Variants in CHD9 observed in about 807,000 individuals in gnomAD.
The protein encoded by CHD9 is chromodomain helicase DNA binding protein 9.
A neutral mutation model predicts 316.1 loss-of-function variants in CHD9; 77 were observed. The ratio of observed to expected loss-of-function variants is 0.24; its 90% CI spans 0.20 to 0.29. The LOEUF is 0.29. Among genes scored for constraint, CHD9 ranks in the 10% least tolerant of loss-of-function variants. The probability of loss-of-function intolerance (pLI) is 1.00; values close to 1 mark genes in which losing one functional copy is unlikely to be tolerated. For synonymous variants in CHD9, 1,129 were observed against 1,158.3 expected, an observed-to-expected ratio of 0.97 and a Z score of 0.51; for missense variants, 2,763 against 3,438.1, an observed-to-expected ratio of 0.80 and a Z score of 4.91.
chr16:53,062,663 G>A (rs2033040196), intron 1 of CHD9, among the ~76,000 whole-genome samples: 1 of 152,184 alleles, frequency 6.6e-6, no homozygotes, highest in Non-Finnish European at 1.5e-5. Flanking sequence ...GATGGTTTAA[G>A]CCCAGGAGTT....
intron 1 of CHD9, among the ~76,000 whole-genome samples, chr16:53,129,187 C>G (rs1253354462): frequency 1.3e-5 from 2 of 152,188 alleles, no homozygotes; most frequent in Non-Finnish European, 2.9e-5. Context: ...CAAGAAAACA[C>G]GAACGTTCTC....
intron 1 of CHD9, among the ~76,000 whole-genome samples, chr16:53,146,745 A>G (rs2040657785): frequency 6.6e-6 from 1 of 151,280 alleles, no homozygotes; most frequent in African/African-American, 2.4e-5. Context: ...GTTACAGTGA[A>G]CCGAGATCGT....
chr16:53,148,365 C>T (rs1291052769), intron 1 of CHD9, among the ~76,000 whole-genome samples: 2 of 152,198 alleles, frequency 1.3e-5, no homozygotes, highest in Non-Finnish European at 2.9e-5. Context: ...CCTCAGCTTC[C>T]TGAGTAGCTG....
At position 53,245,256 on chromosome 16, in the gene CHD9, G is replaced by A; in HGVS notation, c.3055-80G>A. ...ATAGTCAGAAAAATATTTGCATATT[G>A]ATCATTCGATAATCTAAGTCAGCTT... On this transcript the variant is annotated intron_variant, in intron 13 of 38. Coordinates refer to ENST00000447540, the MANE Select transcript of CHD9 (RefSeq NM_001308319.2). The surrounding 1 kb of genome is among the most constrained non-coding windows in gnomAD (Gnocchi z 4.1). The A allele has an allele frequency of 9.5e-7, 1 of 1,052,808 alleles. No individual in the cohort carries two copies. Among genetic ancestry groups the A allele is most frequent in the Non-Finnish European group, 1.3e-6 (1 of 760,994 alleles). The allele number at this position is 1,052,808 out of a possible 1,614,324, so 65.2% of individuals were successfully genotyped here. A position where few individuals can be genotyped will look rare whatever the true frequency, so the allele number is the denominator to read the frequency against.
chr16:53,213,710 G>T (rs1282887878), intron 3 of CHD9, among the ~76,000 whole-genome samples: 2 of 152,120 alleles, frequency 1.3e-5, no homozygotes, highest in Non-Finnish European at 2.9e-5. Context: ...CACATGATTC[G>T]ATAGAAGTAT....
intron 1 of CHD9, among the ~76,000 whole-genome samples, chr16:53,133,058 C>T (rs575544468): frequency 1.3e-5 from 2 of 152,108 alleles, no homozygotes; most frequent in South Asian, 4.2e-4. Context: ...TGGAGAGTTT[C>T]CTATAAACTA....
At position 53,245,259 on chromosome 16, in the gene CHD9, C is replaced by A; in HGVS notation, c.3055-77C>A. The stretch of plus-strand genomic sequence containing the variant: ...GTCAGAAAAATATTTGCATATTGAT[C>A]ATTCGATAATCTAAGTCAGCTTTCA... On this transcript the variant is annotated intron_variant, in intron 13 of 38. Transcript: ENST00000447540. The surrounding 1 kb of genome is among the most constrained non-coding windows in gnomAD (Gnocchi z 4.1). 1 of 1,087,862 alleles carries A rather than the reference C, an allele frequency of 9.2e-7. No individual in the cohort carries two copies. The allele number at this position is 1,087,862 out of a possible 1,614,324, so 67.4% of individuals were successfully genotyped here. A position where few individuals can be genotyped will look rare whatever the true frequency, so the allele number is the denominator to read the frequency against.
intron 2 of CHD9, among the ~76,000 whole-genome samples, chr16:53,180,479 A>G (rs1227367428): frequency 3.9e-5 from 6 of 152,030 alleles, no homozygotes; most frequent in Non-Finnish European, 7.4e-5. Context: ...AAGGATTATA[A>G]ATATTTTGAA....
chr16:53,148,356 C>T (rs1030327783), intron 1 of CHD9, among the ~76,000 whole-genome samples: 27 of 152,230 alleles, frequency 1.8e-4, no homozygotes, highest in African/African-American at 6.5e-4. Flanking sequence ...GTCCTTCTGC[C>T]TCAGCTTCCT....
Position 53,303,941 on chromosome 16 carries a change from G to T in CHD9, c.5935G>T (p.Val1979Leu). 1 of 1,614,004 alleles carries T rather than the reference G, an allele frequency of 6.2e-7. No individual in the cohort carries two copies. The highest frequency in any genetic ancestry group is 8.5e-7 in the Non-Finnish European group (1 of 1,179,888). ...GCTTATTGGTGCTGCCAAACACGGG[G>T]TGAGCCGAACAGACTATCACATTCT... is the stretch of plus-strand genomic sequence containing the variant. ...DLLIGAAKHGVSRTDYHILRD... is the reference protein window; with the variant it reads ...DLLIGAAKHGLSRTDYHILRD... The change falls in exon 31 of 39, where the codon GTG (valine) becomes TTG (leucine). Residue 1979 changes from valine (V) to leucine (L), a missense_variant. Transcript: ENST00000447540.
chr16:53,144,105 A>G (rs912828781), intron 1 of CHD9, among the ~76,000 whole-genome samples: 6 of 152,232 alleles, frequency 3.9e-5, no homozygotes, highest in African/African-American at 1.4e-4. Flanking sequence ...TATGGAGCTT[A>G]CTGCTTCATA....
chr16:53,239,575 T>A (rs1213603726), intron 12 of CHD9, among the ~76,000 whole-genome samples: 1 of 152,194 alleles, frequency 6.6e-6, no homozygotes, highest in South Asian at 2.1e-4. Flanking sequence ...CCTGGCACCC[T>A]ACACTAAAAG....
chr16:53,323,926 A>AT, intron 38 of CHD9, 94 bp from the exon 39 acceptor site: 2 of 1,049,248 alleles, frequency 1.9e-6, no homozygotes, highest in Non-Finnish European at 2.8e-6. Flanking sequence ...TTTACAAATA[A>AT]TTACCTATTT....
At chr16:53,140,566 T>C (rs1241884405) in intron 1 of CHD9, among the ~76,000 whole-genome samples, 2 of 152,160 alleles carry the variant, frequency 1.3e-5, no homozygotes, top group Non-Finnish European at 2.9e-5. Flanking sequence ...TTACCCTCAA[T>C]CAGTTTTTAT....
At chr16:53,115,366 C>CA (rs1335302503) in intron 1 of CHD9, among the ~76,000 whole-genome samples, 1 of 152,228 alleles carries the variant, frequency 6.6e-6, no homozygotes, top group Non-Finnish European at 1.5e-5. Flanking sequence ...GTAATGCTTC[C>CA]ATACTGACCC....
chr16:53,247,703 T>C (rs772711806), intron 16 of CHD9, 200 bp downstream of exon 16: 154 of 468,752 alleles, frequency 3.3e-4, no homozygotes, highest in Non-Finnish European at 4.7e-4. Flanking sequence ...TAGATGTGCC[T>C]GAGGAGTCCA....
intron 27 of CHD9, among the ~76,000 whole-genome samples, chr16:53,288,718 T>C (rs2054094634): frequency 6.6e-6 from 1 of 152,104 alleles, no homozygotes; most frequent in Non-Finnish European, 1.5e-5. Context: ...GGCCAGTAAT[T>C]ACTGACAAAC....
chr16:53,100,475 A>G (rs2036766427), intron 1 of CHD9, among the ~76,000 whole-genome samples: 1 of 84,574 alleles, frequency 1.2e-5, no homozygotes, highest in African/African-American at 2.8e-5. Flanking sequence ...TTTTTTCCAA[A>G]AGACAGGGTC....
chr16:53,087,446 A>G (rs904211766), intron 1 of CHD9, among the ~76,000 whole-genome samples: 6 of 152,216 alleles, frequency 3.9e-5, no homozygotes, highest in African/African-American at 1.2e-4. Context: ...CCAAGTCCTC[A>G]TGCAGTGGAT....
Sources: gnomAD v4.1 joint callset for allele counts (sites outside exome capture counted in the v4.1 genomes callset) on GRCh38, gnomAD v4.1.1 for gene constraint, Gnocchi (gnomAD v3.1) non-coding constraint, MANE v1.5 for transcripts, NCBI Gene and HGNC (gene_info 2026-07-23, HGNC 2026-07-21) for gene names.